Variants in DCTN1 observed in about 807,000 individuals in gnomAD.
The protein encoded by DCTN1 is 150 kDa dynein-associated polypeptide.
In DCTN1, 61 loss-of-function variants were observed where a neutral mutation model predicts 161.2. The observed-to-expected ratio is 0.38, with a 90% CI of 0.31 to 0.47. DCTN1 has a LOEUF of 0.47. DCTN1 is among the 20% of genes least tolerant of loss of function. The probability of loss-of-function intolerance (pLI) is 0.99; values close to 1 mark genes in which losing one functional copy is unlikely to be tolerated. For synonymous variants in DCTN1, 653 were observed against 632.4 expected, an observed-to-expected ratio of 1.03 and a Z score of -0.49; for missense variants, 1,404 against 1,623.7, an observed-to-expected ratio of 0.86 and a Z score of 2.33.
chr2:74,378,377 A>G (rs114614871), intron 1 of DCTN1, 132 bp from the exon 2 acceptor site: 30,040 of 1,146,558 alleles, frequency 0.026, 470 homozygotes, highest in Non-Finnish European at 0.032. Context: ...CCCCATTTAC[A>G]GAATTGGGTG....
chr2:74,363,236 C>T (rs1674149702), intron 28 of DCTN1, 58 bp downstream of exon 28: 2 of 1,614,092 alleles, frequency 1.2e-6, no homozygotes, highest in Non-Finnish European at 1.7e-6. Context: ...TGTCATCTAT[C>T]ATCAATGGGG....
intron 20 of DCTN1, 46 bp from the exon 21 acceptor site, chr2:74,366,978 G>A: frequency 6.2e-7 from 1 of 1,614,164 alleles, no homozygotes; most frequent in Non-Finnish European, 8.5e-7. Flanking sequence ...TTAGCATTAA[G>A]GCTCGGAGTA....
chr2:74,374,456 AAC>A (rs1363959747), intron 5 of DCTN1, 116 bp from the exon 6 acceptor site: 1 of 1,569,564 alleles, frequency 6.4e-7, no homozygotes, highest in African/African-American at 1.3e-5. Context: ...CAAGAGACCG[AAC>A]AGAGGGAAAG....
In DCTN1 at chr2:74,369,255, A is replaced by C; in HGVS notation, c.1585-41T>G. On this transcript the variant is annotated intron_variant, in intron 14 of 31. Coordinates refer to ENST00000628224, the MANE Select transcript of DCTN1 (RefSeq NM_004082.5). The surrounding 1 kb of genome is among the most constrained non-coding windows in gnomAD (Gnocchi z 4.9). Reference sequence around the variant, plus strand: ...GTGAAGCACAGCTGGGTCATAAGGAAGCCCTGGGGTGATGGTGGGCAGAGA... The same window carrying C: ...GTGAAGCACAGCTGGGTCATAAGGACGCCCTGGGGTGATGGTGGGCAGAGA... 1 of 1,614,126 alleles carries C rather than the reference A, an allele frequency of 6.2e-7. No homozygotes were observed. Among genetic ancestry groups the C allele is most frequent in the Non-Finnish European group, 8.5e-7 (1 of 1,179,972 alleles).
At chr2:74,380,695 C>T (rs1189137219), upstream of DCTN1, 1 of 400,066 alleles carries the variant, frequency 2.5e-6, no homozygotes, top group East Asian at 7.2e-5. Flanking sequence ...TGAGTAGGGC[C>T]TGGATTTCAA....
intron 6 of DCTN1, chr2:74,374,059 G>A: frequency 1.9e-6 from 1 of 523,250 alleles, no homozygotes; most frequent in Non-Finnish European, 3.6e-6. Context: ...TGCGGTAGAG[G>A]CTGCCTGAAG....
chr2:74,377,516 G>A, intron 3 of DCTN1, 50 bp from the exon 4 acceptor site: 1 of 1,565,910 alleles, frequency 6.4e-7, no homozygotes, highest in Non-Finnish European at 8.8e-7. Context: ...GAGAGGTAGG[G>A]GGAGATATAA....
rs1222000354 is a variant in DCTN1, at chr2:74,369,226, G to C, written c.1585-12C>G. 1.2e-6 allele frequency: 2 copies of C among 1,614,164 alleles called. No individual in the cohort carries two copies. The highest frequency in any genetic ancestry group is 3.3e-5 in the Admixed American group (2 of 60,030). ...TCCCGATTCACATCCTAGGAGGAGA[G>C]ACAGTGAAGCACAGCTGGGTCATAA... On this transcript the variant is annotated splice_polypyrimidine_tract_variant and intron_variant, in intron 14 of 31. Coordinates refer to ENST00000628224, the MANE Select transcript of DCTN1 (RefSeq NM_004082.5). This position sits in a 1 kb window ranked among gnomAD's most constrained non-coding sequence, Gnocchi z 4.9.
Position 74,365,744 on chromosome 2 carries a change from C to T in DCTN1, c.2887-87G>A, listed in dbSNP as rs114386812. ...GCTAGACCATGAGATAGTAGGTTCC[C>T]TGAGGGCTCACCACAGCTCCCATTG... On this transcript the variant is annotated intron_variant, in intron 24 of 31. Coordinates refer to ENST00000628224, the MANE Select transcript of DCTN1 (RefSeq NM_004082.5). 649 of 1,612,024 alleles carry T rather than the reference C, an allele frequency of 4.0e-4. 7 individuals are homozygous for T. The African/African-American group carries it at 7.7e-3, about 19-fold the overall frequency.
chr2:74,370,285 T>G lies in DCTN1; in HGVS notation c.1188A>C (p.Glu396Asp). Residue 396 changes from glutamate (E) to aspartate (D), a missense_variant, in exon 12 of 32, where the codon GAA becomes GAC. Physicochemically the swap from Glu to Asp is conservative, Grantham distance 45 (BLOSUM62 2). Transcript: ENST00000628224. This position sits in a 1 kb window ranked among gnomAD's most constrained non-coding sequence, Gnocchi z 4.4. ...CAACTTCCAGCTCTTGGTTCTTCTT[T>G]TCCATGAGCTTCTGGAGCTTCACAT... ...QEHVKLQKLM[E>D]KKNQELEVVR... is the part of the protein sequence containing the mutation. 1 of 1,614,098 alleles carries G rather than the reference T, an allele frequency of 6.2e-7. No homozygotes were observed. Among genetic ancestry groups the G allele is most frequent in the Non-Finnish European group, 8.5e-7 (1 of 1,180,038 alleles).
intron 5 of DCTN1, chr2:74,374,853 C>T: frequency 1.5e-6 from 1 of 651,610 alleles, no homozygotes; most frequent in Admixed American, 5.3e-5. Flanking sequence ...TCCTCTCTTC[C>T]CTCCCTTGCC....
chr2:74,363,859 T>C (rs961246481), intron 26 of DCTN1: 6 of 630,132 alleles, frequency 9.5e-6, no homozygotes, highest in Non-Finnish European at 5.8e-6. Flanking sequence ...CAGGGTACAA[T>C]GTGTGAAGAA....
intron 6 of DCTN1, chr2:74,373,320 CCA>C (rs1265871542): frequency 1.5e-5 from 5 of 343,294 alleles, no homozygotes; most frequent in Non-Finnish European, 2.3e-5. Context: ...CAACTCCAGT[CCA>C]GAGCCAGAGG....
chr2:74,383,886 ATGTC>A (rs1467999176), upstream of DCTN1: 3 of 152,228 alleles, frequency 2.0e-5, no homozygotes, highest in African/African-American at 7.2e-5. Flanking sequence ...GTTTAGCACA[ATGTC>A]TGTGTGCTCA....
intron 3 of DCTN1, 71 bp from the exon 4 acceptor site, chr2:74,377,537 T>C: frequency 6.5e-7 from 1 of 1,534,846 alleles, no homozygotes; most frequent in Non-Finnish European, 9.0e-7. Flanking sequence ...TAAGGGAATA[T>C]GGTAGTGACG....
intron 16 of DCTN1, 88 bp downstream of exon 16, chr2:74,368,640 A>G (rs1674600610): frequency 7.0e-6 from 11 of 1,579,074 alleles, no homozygotes; most frequent in Non-Finnish European, 7.0e-6. Flanking sequence ...GTGGGCAGAG[A>G]CTCTGTTGTC....
In DCTN1 at chr2:74,367,531, A is replaced by T. The variant is rs1573154914; in HGVS notation, c.2185-111T>A. On this transcript the variant is annotated intron_variant, in intron 18 of 31. Transcript: ENST00000628224. The stretch of plus-strand genomic sequence containing the variant: ...CATGGGTCTCTGGAGGTACAAGAGA[A>T]TCCAAAGCCCTCAAGCAGCTGCATC... 5.4e-6 allele frequency: 8 copies of T among 1,489,790 alleles called. 2 individuals are homozygous for T. The Admixed American group carries it at 1.5e-4, about 27-fold the overall frequency. 92.3% of individuals were successfully genotyped at this position (1,489,790 alleles called of 1,614,324 possible).
At chr2:74,367,654 C>T (rs199816247) in intron 18 of DCTN1, 42 bp downstream of exon 18, 9 of 1,613,536 alleles carry the variant, frequency 5.6e-6, no homozygotes, top group Admixed American at 5.0e-5. Flanking sequence ...CAAGTGAAAG[C>T]TTCCCTGCCT....
rs1315253132 is a variant in DCTN1 at position 74,371,189 on chromosome 2, G to A, written c.646-13C>T. 1.2e-6 allele frequency: 2 copies of A among 1,612,672 alleles called. No homozygotes were observed. The highest frequency in any genetic ancestry group is 1.7e-5 in the Admixed American group (1 of 60,026). On this transcript the variant is annotated splice_polypyrimidine_tract_variant and intron_variant, in intron 8 of 31. Coordinates refer to ENST00000628224, the MANE Select transcript of DCTN1 (RefSeq NM_004082.5). ...GTCCCTCCTCCTCCTGCAAAGGAGAGGCCTCACGGTCTGTGCACAGCCCAC... is the reference window on the plus strand; with the variant it reads ...GTCCCTCCTCCTCCTGCAAAGGAGAAGCCTCACGGTCTGTGCACAGCCCAC...
Sources: gnomAD v4.1 joint callset for allele counts on GRCh38, gnomAD v4.1.1 for gene constraint, Gnocchi (gnomAD v3.1) non-coding constraint, MANE v1.5 for transcripts, NCBI Gene and HGNC (gene_info 2026-07-23, HGNC 2026-07-21) for gene names.